The following MYO7A variants were observed in gnomAD, a reference collection of about 807,000 sequenced individuals.
The protein encoded by MYO7A is myosin VIIA.
In MYO7A, 210 loss-of-function variants were observed where a neutral mutation model predicts 263.8. That is an observed-to-expected ratio of 0.80 (90% CI 0.71 to 0.89). MYO7A has a LOEUF of 0.89. Ranked by LOEUF, MYO7A falls within the 40% of genes least tolerant of loss-of-function variation. The pLI, the probability that MYO7A is intolerant of heterozygous loss-of-function variation, is 0.00. For missense variants in MYO7A, 2,820 were observed against 2,968.3 expected (o/e 0.95, Z 1.16); for synonymous variants, 1,239 against 1,197.3 (o/e 1.03, Z -0.72).
intron 3 of MYO7A, among the ~76,000 whole-genome samples, chr11:77,146,623 A>G (rs1435804675): frequency 6.6e-6 from 1 of 152,046 alleles, no homozygotes. Context: ...GGGGTTGACT[A>G]TGCCAGAAGG....
chr11:77,201,655 T>A lies in MYO7A; in HGVS notation c.5043+17T>A. 6.2e-7 allele frequency: 1 copy of A among 1,608,914 alleles called. No individual in the cohort carries two copies. Among genetic ancestry groups the A allele is most frequent in the Non-Finnish European group, 8.5e-7 (1 of 1,176,256 alleles). ...GAGATTGTGGTATGTGGCCTGGGGGTGGCAGATGGGTGGGAGGTGCCATTA... is the reference window on the plus strand; with the variant it reads ...GAGATTGTGGTATGTGGCCTGGGGGAGGCAGATGGGTGGGAGGTGCCATTA... On this transcript the variant is annotated intron_variant, in intron 36 of 48. Coordinates refer to ENST00000409709, the MANE Select transcript of MYO7A (RefSeq NM_000260.4).
chr11:77,203,795 C>T (rs922358460), intron 38 of MYO7A, among the ~76,000 whole-genome samples: 23 of 152,102 alleles, frequency 1.5e-4, no homozygotes, highest in African/African-American at 5.6e-4. Flanking sequence ...AAGCTTGGGC[C>T]GTGTCCTAAG....
chr11:77,178,320 C>A (rs1555081541), intron 19 of MYO7A, among the ~76,000 whole-genome samples: 1 of 21,270 alleles, frequency 4.7e-5, no homozygotes, highest in Admixed American at 6.2e-4. Flanking sequence ...CATCAATTCA[C>A]CCACCAACCC....
chr11:77,214,736 G>C lies in MYO7A; in HGVS notation c.*40G>C. The C allele has an allele frequency of 6.8e-7, 1 of 1,466,842 alleles. No individual in the cohort carries two copies. The highest frequency in any genetic ancestry group is 9.3e-7 in the Non-Finnish European group (1 of 1,070,166). The allele number at this position is 1,466,842 out of a possible 1,614,324, so 90.9% of individuals were successfully genotyped here. On this transcript the variant is annotated 3_prime_UTR_variant, in exon 49 of 49. Transcript: ENST00000409709. ...GTGCTGGTTCCATGCCTGCTCTCGA[G>C]GCAGCAGTGGGTTCAGGCCCATCAG...
In MYO7A at chr11:77,201,482, G is replaced by T. The variant is rs770456518; in HGVS notation, c.4887G>T (p.Lys1629Asn). The change falls in exon 36 of 49, where the codon AAG becomes AAT. Residue 1629 changes from lysine (K) to asparagine (N), a missense_variant. Lys to Asn is a moderately conservative substitution (Grantham distance 94, BLOSUM62 0). Coordinates refer to ENST00000409709, the MANE Select transcript of MYO7A (RefSeq NM_000260.4). Reference sequence around the variant, plus strand: ...AGTCAGGCTTCCTCAGCTTTGCCAAGGGAGACCTCATCATCCTGGACCATG... The same window carrying T: ...AGTCAGGCTTCCTCAGCTTTGCCAATGGAGACCTCATCATCCTGGACCATG... The part of the protein sequence containing the change: ...GEESGFLSFA[K>N]GDLIILDHDT... 1.2e-6 allele frequency: 2 copies of T among 1,613,810 alleles called. No individual in the cohort carries two copies. Among genetic ancestry groups the T allele is most frequent in the African/African-American group, 2.7e-5 (2 of 74,922 alleles).
chr11:77,201,883 G>A (rs1273868740), intron 36 of MYO7A, among the ~76,000 whole-genome samples: 4 of 151,938 alleles, frequency 2.6e-5, no homozygotes, highest in Non-Finnish European at 5.9e-5. Context: ...GGAGAGAGGT[G>A]TATCACCCGC....
chr11:77,170,667 G>T (rs1308334764), intron 15 of MYO7A, among the ~76,000 whole-genome samples: 16 of 152,056 alleles, frequency 1.1e-4, no homozygotes, highest in Non-Finnish European at 2.4e-4. Flanking sequence ...GACAGGTGTG[G>T]CTCTCGGCTG....
At position 77,190,692 on chromosome 11, in the gene MYO7A, T is replaced by C; in HGVS notation, c.3751-5T>C. On this transcript the variant is annotated splice_region_variant and splice_polypyrimidine_tract_variant and intron_variant, in intron 29 of 48. Coordinates refer to ENST00000409709, the MANE Select transcript of MYO7A (RefSeq NM_000260.4). ...ACCCCACAAACCCTCTTGGGGCACT[T>C]CCAGGCCACCAAGTCCAAGAAGCCA... 1 of 1,584,580 alleles carries C rather than the reference T, an allele frequency of 6.3e-7. No individual in the cohort carries two copies. The highest frequency in any genetic ancestry group is 1.8e-5 in the Admixed American group (1 of 56,108).
chr11:77,202,282 CT>C lies in MYO7A; in HGVS notation c.5044-17del, dbSNP rs1231815892. Reference sequence around the variant, plus strand: ...CAGGTAGAGAGCTGACCTGAGCCCCCTGTCTCTTGGTCCCTAGGCCCTGGTC... The same window carrying C: ...CAGGTAGAGAGCTGACCTGAGCCCCCGTCTCTTGGTCCCTAGGCCCTGGTC... On this transcript the variant is annotated splice_polypyrimidine_tract_variant and intron_variant, in intron 36 of 48. Transcript: ENST00000409709. 3 of 1,574,002 alleles carry C rather than the reference CT, an allele frequency of 1.9e-6. No homozygotes were observed. Among genetic ancestry groups the C allele is most frequent in the East Asian group, 2.3e-5 (1 of 43,044 alleles).
chr11:77,143,661 T>C (rs1951365461), intron 3 of MYO7A, among the ~76,000 whole-genome samples: 1 of 152,214 alleles, frequency 6.6e-6, no homozygotes, highest in African/African-American at 2.4e-5. Context: ...AGGGGCAGCT[T>C]AGCAGGGATA....
At position 77,211,336 on chromosome 11, in the gene MYO7A, G is replaced by A. The variant is rs765083332; in HGVS notation, c.6236G>A (p.Arg2079Gln). Residue 2079 changes from arginine (R) to glutamine (Q), a missense_variant and splice_region_variant, in exon 45 of 49, where the codon CGG (arginine) becomes CAG (glutamine). Arg to Gln is a conservative substitution (Grantham distance 43). Coordinates refer to ENST00000409709, the MANE Select transcript of MYO7A (RefSeq NM_000260.4). Reference protein sequence around the residue: ...IRQVSPDDWKRSIVAYFNKHA... With the variant: ...IRQVSPDDWKQSIVAYFNKHA... Reference sequence around the variant, plus strand: ...CAGGTCTCACCTGATGACTGGAAGCGGGTGAGCATGGGGTGGGCATCGGGA... The same window carrying A: ...CAGGTCTCACCTGATGACTGGAAGCAGGTGAGCATGGGGTGGGCATCGGGA... 114 of 1,575,490 alleles carry A rather than the reference G, an allele frequency of 7.2e-5. No homozygotes were observed. Among genetic ancestry groups the A allele is most frequent in the Middle Eastern group, 1.7e-4 (1 of 6,036 alleles).
rs757713692 is a variant in MYO7A at position 77,214,661 on chromosome 11, A to G, written c.6613A>G (p.Met2205Val). 5.0e-6 allele frequency: 8 copies of G among 1,588,486 alleles called. No individual in the cohort carries two copies. Among genetic ancestry groups the G allele is most frequent in the Non-Finnish European group, 6.9e-6 (8 of 1,167,502 alleles). Residue 2205 changes from methionine to valine, a missense_variant, in exon 49 of 49, where the codon ATG (methionine) becomes GTG (valine). Met to Val is a conservative substitution (Grantham distance 21, BLOSUM62 1). Coordinates refer to ENST00000409709, the MANE Select transcript of MYO7A (RefSeq NM_000260.4). ...TSYISQMLTA[M>V]SKQRGSRSGK ...CTACATTAGCCAGATGCTCACAGCCATGAGCAAACAGCGGGGCTCCAGGAG... is the reference window on the plus strand; with the variant it reads ...CTACATTAGCCAGATGCTCACAGCCGTGAGCAAACAGCGGGGCTCCAGGAG...
At chr11:77,153,629 T>C (rs34283727) in intron 4 of MYO7A, among the ~76,000 whole-genome samples, 79,662 of 152,174 alleles carry the variant, frequency 0.52, 23,696 homozygotes, top group African/African-American at 0.82. Flanking sequence ...CTGACTGCCT[T>C]CTGGAAGCTG....
chr11:77,208,555 A>G, intron 43 of MYO7A, 38 bp downstream of exon 43: 2 of 1,590,298 alleles, frequency 1.3e-6, no homozygotes, highest in Non-Finnish European at 1.7e-6. Flanking sequence ...TGAGGCCCAG[A>G]GCAGGGAAGT....
Position 77,212,222 on chromosome 11 carries a change from C to T in MYO7A, c.6354+285C>T, listed in dbSNP as rs528577937. 5.7e-5 allele frequency: 32 copies of T among 559,038 alleles called. No homozygotes were observed. In the African/African-American group the frequency reaches 6.0e-4, roughly 10 times the overall value. 34.6% of individuals were successfully genotyped at this position (559,038 alleles called of 1,614,324 possible). ...GTTCTGACACTGGGGAGCCCTCGCC[C>T]AGGTGGCAGAGCTCGGGAGGCTCTG... is the stretch of plus-strand genomic sequence containing the variant. On this transcript the variant is annotated intron_variant, in intron 46 of 48. Coordinates refer to ENST00000409709, the MANE Select transcript of MYO7A (RefSeq NM_000260.4).
Position 77,162,195 on chromosome 11 carries a change from G to A in MYO7A, c.1419G>A (p.Glu473=), listed in dbSNP as rs1555069397. ...TTGTGCGGCACGTGTTCAAGCTGGA[G>A]CAGGAGGAATATGACCTGGAGAGCA... ...QFFVRHVFKL[E]QEEYDLESID... Residue 473 remains glutamate, a synonymous_variant, in exon 13 of 49, where the codon GAG becomes GAA. Coordinates refer to ENST00000409709, the MANE Select transcript of MYO7A (RefSeq NM_000260.4). The A allele has an allele frequency of 6.3e-7, 1 of 1,596,562 alleles. No homozygotes were observed. Among genetic ancestry groups the A allele is most frequent in the South Asian group, 1.1e-5 (1 of 87,534 alleles).
chr11:77,156,597 A>G (rs1231909030), intron 5 of MYO7A, 63 bp from the exon 6 acceptor site: 2 of 1,602,040 alleles, frequency 1.2e-6, no homozygotes, highest in Non-Finnish European at 1.7e-6. Context: ...GCCTGGGCTG[A>G]GTTCCAGTTG....
At chr11:77,150,027 C>T (rs781892112) in intron 4 of MYO7A, among the ~76,000 whole-genome samples, 4 of 152,202 alleles carry the variant, frequency 2.6e-5, no homozygotes, top group Non-Finnish European at 5.9e-5. Flanking sequence ...TGGCCACTCA[C>T]CCAGGCCTGG....
intron 1 of MYO7A, among the ~76,000 whole-genome samples, 157 bp from the exon 2 acceptor site, chr11:77,130,432 C>T (rs1950735007): frequency 6.6e-6 from 1 of 152,212 alleles, no homozygotes; most frequent in East Asian, 1.9e-4. Context: ...GCTCAGGTCA[C>T]ACAGGCTGGG....
Sources: allele counts gnomAD v4.1 joint callset (sites outside exome capture counted in the v4.1 genomes callset), GRCh38; gene constraint gnomAD v4.1.1; transcripts MANE v1.5; gene names NCBI Gene and HGNC (gene_info 2026-07-23, HGNC 2026-07-21).